The following OPHN1 variants were observed in gnomAD, a reference collection of about 807,000 sequenced individuals.
The protein encoded by OPHN1 is oligophrenin-1.
OPHN1 carries 11 observed loss-of-function variants against 60.7 expected under a neutral mutation model. That is an observed-to-expected ratio of 0.18 (90% confidence interval 0.11 to 0.30). The LOEUF is 0.30. OPHN1 is among the 10% of genes least tolerant of loss of function. The pLI is 1.00. For missense variants in OPHN1, 449 were observed against 611.0 expected (o/e 0.73, Z 2.80); for synonymous variants, 226 against 222.6 (o/e 1.02, Z -0.14).
rs1017925742 is a variant in OPHN1, at chrX:68,063,857, C to A, written c.2155G>T (p.Glu719Ter). The A allele has an allele frequency of 1.7e-6, 2 of 1,161,426 alleles. No individual in the cohort carries two copies. The highest frequency in any genetic ancestry group is 3.6e-5 in the African/African-American group (2 of 55,624). Residue 719 changes from glutamate (E) to a stop codon, truncating the protein, a stop_gained, in exon 21 of 25, where the codon GAG (glutamate) becomes TAG (stop). Coordinates refer to ENST00000355520, the MANE Select transcript of OPHN1 (RefSeq NM_002547.3). LOFTEE classifies it high-confidence loss of function. ...CATGGGATTCCCAAGCACTTACCCT[C>A]CTTGTGGTGGGCCAGGGGCCGGGGA... ...PAPRPLAHHK[E>*]GDADSFSKVR...
At chrX:68,326,918 C>T (rs751111292) in intron 2 of OPHN1, among the ~76,000 whole-genome samples, 73 of 7,326 alleles carry the variant, frequency 1.0e-2, no homozygotes, top group Non-Finnish European at 0.012. Context: ...GGATCAGCCC[C>T]CTGCCTGGCC....
At chrX:68,337,069 GAAGT>G (rs1238387939) in intron 2 of OPHN1, among the ~76,000 whole-genome samples, 1 of 110,179 alleles carries the variant, frequency 9.1e-6, no homozygotes, top group African/African-American at 3.3e-5. Flanking sequence ...CCAAAAAAAA[GAAGT>G]AAGAAAATGA....
intron 6 of OPHN1, 88 bp from the exon 7 acceptor site, chrX:68,214,060 G>T: frequency 1.8e-6 from 1 of 565,504 alleles, no homozygotes; most frequent in East Asian, 3.6e-5. Context: ...GCTAGAGCTA[G>T]ATGAGCATTT....
Position 68,080,811 on chromosome X carries a change from C to A in OPHN1, c.1687-7512G>T, listed in dbSNP as rs748250017. ...ATATTTAAGCCAAATAATTTGCAGT[C>A]CTCTGTTATAGGAGGACTTTTCTTA... On this transcript the variant is annotated intron_variant, in intron 19 of 24. Coordinates refer to ENST00000355520, the MANE Select transcript of OPHN1 (RefSeq NM_002547.3). Among the ~76,000 whole-genome samples the A allele has an allele frequency of 3.6e-5, 4 of 111,846 alleles. 1 individual carries two copies. The South Asian group carries it at 1.5e-3, about 42-fold the overall frequency.
At chrX:68,379,708 T>C (rs1382178963) in intron 2 of OPHN1, among the ~76,000 whole-genome samples, 1 of 110,341 alleles carries the variant, frequency 9.1e-6, no homozygotes, top group African/African-American at 3.3e-5. Flanking sequence ...TTGTCTTTGG[T>C]TCTGTTTATA....
chrX:68,199,715 C>T (rs1324467304), intron 11 of OPHN1, among the ~76,000 whole-genome samples: 1 of 111,761 alleles, frequency 8.9e-6, no homozygotes, highest in African/African-American at 3.2e-5. Context: ...ATATTTAACG[C>T]TCTACTTTGC....
intron 15 of OPHN1, among the ~76,000 whole-genome samples, chrX:68,158,194 G>T: frequency 8.9e-6 from 1 of 112,639 alleles, no homozygotes; most frequent in Non-Finnish European, 1.9e-5. Context: ...AATGGAGAAA[G>T]AGCCTTGCGC....
At chrX:68,134,184 A>G (rs1306093868) in intron 15 of OPHN1, among the ~76,000 whole-genome samples, 2 of 110,711 alleles carry the variant, frequency 1.8e-5, no homozygotes, top group Non-Finnish European at 3.8e-5. Context: ...CAAAGAATAA[A>G]TAAATAAATA....
chrX:68,373,065 C>T (rs951646138), intron 2 of OPHN1, among the ~76,000 whole-genome samples: 3 of 111,863 alleles, frequency 2.7e-5, no homozygotes, highest in African/African-American at 9.7e-5. Flanking sequence ...GGCTCCCAGA[C>T]CAAGACCTAC....
intron 16 of OPHN1, among the ~76,000 whole-genome samples, chrX:68,114,413 C>CTATTTCA (rs770755999): frequency 5.4e-5 from 6 of 110,784 alleles, no homozygotes; most frequent in Admixed American, 3.9e-4. Context: ...AATTACTATA[C>CTATTTCA]TATACTGCCT....
chrX:68,170,030 C>T (rs1203496950), intron 15 of OPHN1, among the ~76,000 whole-genome samples: 1 of 109,096 alleles, frequency 9.2e-6, no homozygotes, highest in Non-Finnish European at 1.9e-5. Context: ...ACAACCTACT[C>T]ATCTGACAAA....
rs536154766 is a variant in OPHN1, at chrX:68,244,139, A to G, written c.385-9551T>C. ...CTTCTTTTAGTTCCTTAGACAAACC[A>G]CTAAGCTTGTTCCTACCTCAGGACC... On this transcript the variant is annotated intron_variant, in intron 5 of 24. Coordinates refer to ENST00000355520, the MANE Select transcript of OPHN1 (RefSeq NM_002547.3). Among the ~76,000 whole-genome samples the G allele has an allele frequency of 1.1e-4, 12 of 111,874 alleles. 1 individual carries two copies. The South Asian group carries it at 4.5e-3, about 42-fold the overall frequency.
rs188524648 is a variant in OPHN1 at position 68,411,951 on chromosome X, G to A, written c.154+20916C>T. On this transcript the variant is annotated intron_variant, in intron 2 of 24. Transcript: ENST00000355520. ...TTACAGAAAGAATGGAAACTCCCTCGAGGCATGGCCAAAAACAGGTTATGG... is the reference window on the plus strand; with the variant it reads ...TTACAGAAAGAATGGAAACTCCCTCAAGGCATGGCCAAAAACAGGTTATGG... Among the ~76,000 whole-genome samples, 8 of 111,505 alleles carry A rather than the reference G, an allele frequency of 7.2e-5. No homozygotes were observed. The East Asian group carries it at 1.7e-3, about 24-fold the overall frequency.
chrX:68,137,554 C>T (rs1006672843), intron 15 of OPHN1, among the ~76,000 whole-genome samples: 2 of 111,475 alleles, frequency 1.8e-5, no homozygotes, highest in African/African-American at 6.5e-5. Context: ...CACATTCCAT[C>T]TAAACTACTC....
intron 18 of OPHN1, chrX:68,102,163 TAACA>T (rs1228787984): frequency 1.9e-4 from 21 of 111,849 alleles, no homozygotes; most frequent in South Asian, 7.5e-4. Context: ...ACAGAAATCA[TAACA>T]AACAGTCTCT....
At chrX:68,239,241 G>A (rs748105707) in intron 5 of OPHN1, among the ~76,000 whole-genome samples, 4 of 46,192 alleles carry the variant, frequency 8.7e-5, no homozygotes, top group African/African-American at 2.4e-4. Context: ...TCCTCCTGGT[G>A]TCTGCCGGTG....
At chrX:68,246,447 T>C (rs2077806313) in intron 5 of OPHN1, among the ~76,000 whole-genome samples, 2 of 111,511 alleles carry the variant, frequency 1.8e-5, no homozygotes, top group African/African-American at 6.5e-5. Flanking sequence ...AGGGCCAGGA[T>C]GTTTTCTGGG....
intron 2 of OPHN1, among the ~76,000 whole-genome samples, chrX:68,313,048 G>A (rs1192393278): frequency 9.0e-6 from 1 of 111,026 alleles, no homozygotes; most frequent in Non-Finnish European, 1.9e-5. Context: ...ATGTTGCAGT[G>A]CGTGATGATC....
intron 15 of OPHN1, among the ~76,000 whole-genome samples, chrX:68,153,534 G>C: frequency 8.9e-6 from 1 of 112,057 alleles, no homozygotes; most frequent in East Asian, 2.8e-4. Context: ...GAGGCAGAGA[G>C]TGTGACCAGC....
Sources: gnomAD v4.1 joint callset for allele counts (sites outside exome capture counted in the v4.1 genomes callset) on GRCh38, gnomAD v4.1.1 for gene constraint, MANE v1.5 for transcripts, NCBI Gene and HGNC (gene_info 2026-07-23, HGNC 2026-07-21) for gene names.